The following CENPF variants were observed in gnomAD, a reference collection of about 807,000 sequenced individuals.
CENPF encodes AH antigen.
In CENPF, 214 loss-of-function variants were observed where a neutral mutation model predicts 307.3. The observed-to-expected ratio is 0.70, with a 90% CI of 0.62 to 0.78. The LOEUF (loss-of-function observed/expected upper bound fraction) is 0.78. CENPF is among the 30% of genes least tolerant of loss of function. The probability of loss-of-function intolerance (pLI) is 0.00; values close to 1 mark genes in which losing one functional copy is unlikely to be tolerated. For synonymous variants in CENPF, 1,259 were observed against 1,270.6 expected (o/e 0.99, Z 0.19); for missense variants, 3,401 against 3,483.9 (o/e 0.98, Z 0.60).
At chr1:214,608,714 G>T in intron 1 of CENPF, 7 of 1,595,490 alleles carry the variant, frequency 4.4e-6, no homozygotes, top group Non-Finnish European at 5.1e-6. Context: ...CCAGGCCCCG[G>T]CTCGGGCTCA....
chr1:214,615,192 T>C (rs2102531727), intron 3 of CENPF, 164 bp downstream of exon 3: 1 of 480,018 alleles, frequency 2.1e-6, no homozygotes, highest in African/African-American at 2.0e-5. Flanking sequence ...AGTGGAAGAT[T>C]AAAAACAAAC....
intron 1 of CENPF, chr1:214,613,418 T>A: frequency 5.3e-6 from 1 of 188,698 alleles, no homozygotes; most frequent in Non-Finnish European, 1.1e-5. Context: ...TGTTGCCCCA[T>A]GTTTTGTATA....
Position 214,632,493 on chromosome 1 carries a change from A to C in CENPF, c.1337A>C (p.Lys446Thr), listed in dbSNP as rs774584196. 3 of 1,613,914 alleles carry C rather than the reference A, an allele frequency of 1.9e-6. No homozygotes were observed. The East Asian group carries it at 6.7e-5, about 36-fold the overall frequency. ...TTCTTTTTGTAGCTCACATCAGTAA[A>C]GCAACAGCTAGAAAACAATTTGGAA... The part of the protein sequence containing the change: ...QAELDKLTSV[K>T]QQLENNLEEF... The change falls in exon 10 of 20, where the codon AAG (lysine) becomes ACG (threonine). Residue 446 changes from lysine to threonine, a missense_variant. Coordinates refer to ENST00000366955, the MANE Select transcript of CENPF (RefSeq NM_016343.4).
In CENPF at chr1:214,657,265, G is replaced by C. The variant is rs535739714; in HGVS notation, c.8818G>C (p.Glu2940Gln). The C allele has an allele frequency of 5.9e-5, 95 of 1,614,100 alleles. 1 individual carries two copies. Among genetic ancestry groups the C allele is most frequent in the Non-Finnish European group, 7.6e-5 (90 of 1,180,000 alleles). ...GKRQRSSGIW[E>Q]NGRGPTPATP... is the part of the protein sequence containing the mutation. Reference sequence around the variant, plus strand: ...GAGGCAAAGATCCAGTGGAATATGGGAGAATGGTAGAGGACCAACACCTGC... The same window carrying C: ...GAGGCAAAGATCCAGTGGAATATGGCAGAATGGTAGAGGACCAACACCTGC... The change falls in exon 18 of 20, where the codon GAG (glutamate) becomes CAG (glutamine). Residue 2940 changes from glutamate to glutamine, a missense_variant. Physicochemically the swap from Glu to Gln is conservative, Grantham distance 29. Coordinates refer to ENST00000366955, the MANE Select transcript of CENPF (RefSeq NM_016343.4).
At chr1:214,620,309 C>A (rs1349172458) in intron 5 of CENPF, among the ~76,000 whole-genome samples, 5 of 152,140 alleles carry the variant, frequency 3.3e-5, no homozygotes, top group African/African-American at 9.7e-5. Context: ...TAACCAAGGA[C>A]AGGCAAAGAA....
chr1:214,641,451 A>C lies in CENPF; in HGVS notation c.3113A>C (p.Asp1038Ala), dbSNP rs111484686. Reference protein sequence around the residue: ...RCEETGNAYEDLSQKYKAAQE... With the variant: ...RCEETGNAYEALSQKYKAAQE... The stretch of plus-strand genomic sequence containing the variant: ...GAAGAAACCGGAAATGCATATGAGG[A>C]TCTTAGTCAAAAATACAAAGCAGCA... The change falls in exon 12 of 20, where the codon GAT becomes GCT. Residue 1038 changes from aspartate to alanine, a missense_variant. Transcript: ENST00000366955. 1 of 1,549,566 alleles carries C rather than the reference A, an allele frequency of 6.5e-7. No individual in the cohort carries two copies. Among genetic ancestry groups the C allele is most frequent in the East Asian group, 2.3e-5 (1 of 44,178 alleles).
At chr1:214,650,120 G>A (rs568827980) in intron 14 of CENPF, among the ~76,000 whole-genome samples, 1 of 152,306 alleles carries the variant, frequency 6.6e-6, no homozygotes, top group East Asian at 1.9e-4. Context: ...AATTTAGATA[G>A]GGTGGTCAGC....
intron 1 of CENPF, chr1:214,613,325 G>T: frequency 8.0e-6 from 2 of 249,636 alleles, no homozygotes; most frequent in Non-Finnish European, 1.6e-5. Flanking sequence ...ACCTTTTTCT[G>T]GCCTTCTTCG....
chr1:214,653,979 T>C lies in CENPF; in HGVS notation c.8322+990T>C, dbSNP rs534542914. The stretch of plus-strand genomic sequence containing the variant: ...TTACTGCAACATTGCTAATAAATAA[T>C]TTCAAGATGAAATATACAAAGATGA... On this transcript the variant is annotated intron_variant, in intron 16 of 19. Transcript: ENST00000366955. 5.9e-5 allele frequency: 9 copies of C among 152,292 alleles called. No homozygotes were observed. In the East Asian group the frequency reaches 1.7e-3, roughly 29 times the overall value. 9.4% of individuals were successfully genotyped at this position (152,292 alleles called of 1,614,324 possible). A position where few individuals can be genotyped will look rare whatever the true frequency, so the allele number is the denominator to read the frequency against.
intron 1 of CENPF, 87 bp downstream of exon 1, chr1:214,603,408 G>T: frequency 6.5e-6 from 1 of 153,020 alleles, no homozygotes; most frequent in South Asian, 2.0e-4. Flanking sequence ...GCTTTTTGCC[G>T]GCGGGTACTG....
At position 214,645,181 on chromosome 1, in the gene CENPF, G is replaced by C; in HGVS notation, c.5611G>C (p.Glu1871Gln). The change falls in exon 13 of 20, where the codon GAA (glutamate) becomes CAA (glutamine). Residue 1871 changes from glutamate to glutamine, a missense_variant. Transcript: ENST00000366955. ...ETSEGLNSDL[E>Q]MHADKSSRED... ...TTCTGAAGGCCTCAATTCTGATTTA[G>C]AAATGCATGCAGATAAATCATCACG... 1 of 1,613,998 alleles carries C rather than the reference G, an allele frequency of 6.2e-7. No individual in the cohort carries two copies. Among genetic ancestry groups the C allele is most frequent in the Non-Finnish European group, 8.5e-7 (1 of 1,179,974 alleles).
Position 214,657,065 on chromosome 1 carries a change from A to C in CENPF, c.8618A>C (p.Lys2873Thr). 6.2e-7 allele frequency: 1 copy of C among 1,614,198 alleles called. No homozygotes were observed. The highest frequency in any genetic ancestry group is 8.5e-7 in the Non-Finnish European group (1 of 1,180,032). The change falls in exon 18 of 20, where the codon AAG becomes ACG. Residue 2873 changes from lysine (K) to threonine (T), a missense_variant. Transcript: ENST00000366955. ...KYCSLLISHE[K>T]LEKAKEMLET... Reference sequence around the variant, plus strand: ...TGTTCCTTGCTTATAAGCCATGAAAAGTTAGAGAAAGCTAAAGAGATGTTA... The same window carrying C: ...TGTTCCTTGCTTATAAGCCATGAAACGTTAGAGAAAGCTAAAGAGATGTTA...
intron 1 of CENPF, chr1:214,608,415 G>T: frequency 6.2e-7 from 1 of 1,613,646 alleles, no homozygotes; most frequent in East Asian, 2.2e-5. Context: ...CGTAGGAGAA[G>T]ATGTTGCAAT....
chr1:214,663,960 T>C lies in CENPF; in HGVS notation c.*166T>C, dbSNP rs1023622751. 2 of 605,504 alleles carry C rather than the reference T, an allele frequency of 3.3e-6. No individual in the cohort carries two copies. Among genetic ancestry groups the C allele is most frequent in the African/African-American group, 1.8e-5 (1 of 54,290 alleles). The allele number at this position is 605,504 out of a possible 1,614,324, so 37.5% of individuals were successfully genotyped here. ...TCTTTAGATCTCCCATGTGTAGGTATTGAAAAAGTTTGGAAGCACTGATCA... is the reference window on the plus strand; with the variant it reads ...TCTTTAGATCTCCCATGTGTAGGTACTGAAAAAGTTTGGAAGCACTGATCA... On this transcript the variant is annotated 3_prime_UTR_variant, in exon 20 of 20. Coordinates refer to ENST00000366955, the MANE Select transcript of CENPF (RefSeq NM_016343.4).
Position 214,645,225 on chromosome 1 carries a change from T to C in CENPF, c.5655T>C (p.Asn1885=). ...CATCACGTGAAGATATTGGAGATAA[T>C]GTGGCCAAGGTGAATGACAGCTGGA... ...DKSSREDIGD[N]VAKVNDSWKE... is the part of the protein sequence containing the mutation. The change falls in exon 13 of 20, where the codon AAT becomes AAC. Residue 1885 remains asparagine, a synonymous_variant. Transcript: ENST00000366955. 2 of 1,614,054 alleles carry C rather than the reference T, an allele frequency of 1.2e-6. No homozygotes were observed. Among genetic ancestry groups the C allele is most frequent in the Non-Finnish European group, 1.7e-6 (2 of 1,180,006 alleles).
intron 1 of CENPF, chr1:214,613,025 C>A: frequency 3.0e-6 from 1 of 334,326 alleles, no homozygotes. Context: ...CATCATTAGG[C>A]ACCAAAGCTC....
chr1:214,629,628 T>A (rs1008258613), intron 8 of CENPF, among the ~76,000 whole-genome samples: 1 of 152,144 alleles, frequency 6.6e-6, no homozygotes, highest in Non-Finnish European at 1.5e-5. Flanking sequence ...CTTGGCTCCC[T>A]GCAACCTCCA....
At chr1:214,628,744 A>G (rs1009975813) in intron 7 of CENPF, among the ~76,000 whole-genome samples, 1 of 152,256 alleles carries the variant, frequency 6.6e-6, no homozygotes, top group Non-Finnish European at 1.5e-5. Context: ...ATATGAGGGT[A>G]ATGGGCACCC....
Position 214,641,061 on chromosome 1 carries a change from A to G in CENPF, c.2723A>G (p.Asn908Ser). 21 of 1,564,194 alleles carry G rather than the reference A, an allele frequency of 1.3e-5. No individual in the cohort carries two copies. Among genetic ancestry groups the G allele is most frequent in the Non-Finnish European group, 1.7e-5 (20 of 1,164,068 alleles). ...GCTGAAACCTTAAGTGCCCTTGAGA[A>G]CAAGGAAAAAGAGCTGCAACTTTTA... ...VVAETLSALENKEKELQLLND... is the reference protein window; with the variant it reads ...VVAETLSALESKEKELQLLND... The change falls in exon 12 of 20, where the codon AAC becomes AGC. Residue 908 changes from asparagine to serine, a missense_variant. By Grantham distance (46) the Asn-to-Ser change is conservative. Coordinates refer to ENST00000366955, the MANE Select transcript of CENPF (RefSeq NM_016343.4).
Sources: allele counts gnomAD v4.1 joint callset (sites outside exome capture counted in the v4.1 genomes callset), GRCh38; gene constraint gnomAD v4.1.1; transcripts MANE v1.5; gene names NCBI Gene and HGNC (gene_info 2026-07-23, HGNC 2026-07-21).